Variants in FRAS1 observed in about 807,000 individuals in gnomAD.
The protein encoded by FRAS1 is extracellular matrix organizing protein FRAS1.
FRAS1 carries 290 observed loss-of-function variants against 435.2 expected under a neutral mutation model. That is an observed-to-expected ratio of 0.67 (90% confidence interval 0.61 to 0.73). The LOEUF is 0.73. Ranked by LOEUF, FRAS1 falls within the 30% of genes least tolerant of loss-of-function variation. The pLI is 0.00. For synonymous variants in FRAS1, 1,800 were observed against 1,851.0 expected (o/e 0.97, Z 0.71); for missense variants, 4,860 against 5,001.5 (o/e 0.97, Z 0.85).
chr4:78,260,257 G>A (rs1726019745), intron 6 of FRAS1, among the ~76,000 whole-genome samples: 1 of 151,628 alleles, frequency 6.6e-6, no homozygotes, highest in Admixed American at 6.6e-5. Context: ...TTGGTAGCTT[G>A]ATGGGGATGG....
At chr4:78,128,072 G>A (rs1006612568) in intron 2 of FRAS1, among the ~76,000 whole-genome samples, 4 of 152,208 alleles carry the variant, frequency 2.6e-5, no homozygotes, top group Middle Eastern at 3.4e-3. Context: ...TCCCTACAAA[G>A]GACATGAACT....
intron 51 of FRAS1, 135 bp from the exon 52 acceptor site, chr4:78,472,045 C>A: frequency 1.1e-6 from 1 of 899,214 alleles, no homozygotes; most frequent in Admixed American, 2.3e-5. Context: ...ATAGCCTCTC[C>A]AATCCTGACA....
chr4:78,200,343 G>C (rs1722997869), intron 2 of FRAS1, among the ~76,000 whole-genome samples: 1 of 152,160 alleles, frequency 6.6e-6, no homozygotes, highest in South Asian at 2.1e-4. Flanking sequence ...ATGAGCCTGT[G>C]CCTTAAATTT....
chr4:78,278,691 C>A lies in FRAS1; in HGVS notation c.1018C>A (p.Pro340Thr). The A allele has an allele frequency of 1.9e-6, 3 of 1,607,734 alleles. No homozygotes were observed. The highest frequency in any genetic ancestry group is 2.6e-6 in the Non-Finnish European group (3 of 1,174,772). Residue 340 changes from proline (P) to threonine (T), a missense_variant, in exon 10 of 74, where the codon CCT (proline) becomes ACT (threonine). By Grantham distance (38) the Pro-to-Thr change is conservative. Transcript: ENST00000512123. ...ELIHLDGKCC[P>T]ECISRNGYCV... is the part of the protein sequence containing the mutation. ...AATTCACTTAGATGGAAAGTGTTGT[C>A]CTGAATGCATTTCAAGGAATGGTTA...
Position 78,154,351 on chromosome 4 carries a change from A to G in FRAS1, c.109-83159A>G, listed in dbSNP as rs888425006. ...CCTCTGTGTAGAAAATAGGACATTG[A>G]GGTTTAATGGATTTAAGTAACTTGC... On this transcript the variant is annotated intron_variant, in intron 2 of 73. Coordinates refer to ENST00000512123, the MANE Select transcript of FRAS1 (RefSeq NM_025074.7). 5.3e-5 allele frequency among the ~76,000 whole-genome samples: 8 copies of G among 152,280 alleles called. 1 individual carries two copies. The highest frequency in any genetic ancestry group is 1.9e-4 in the African/African-American group (8 of 41,574).
chr4:78,327,265 A>C (rs984603576), intron 18 of FRAS1, among the ~76,000 whole-genome samples: 1 of 152,074 alleles, frequency 6.6e-6, no homozygotes, highest in African/African-American at 2.4e-5. Context: ...AAAGGAGGGT[A>C]CTCATTTCAA....
intron 49 of FRAS1, 83 bp from the exon 50 acceptor site, chr4:78,466,125 C>G (rs1051805685): frequency 5.4e-6 from 6 of 1,111,312 alleles, no homozygotes; most frequent in African/African-American, 1.5e-5. Context: ...TTCTACTACC[C>G]TTGATCAGCA....
chr4:78,443,324 C>T (rs1333698665), intron 41 of FRAS1, among the ~76,000 whole-genome samples: 1 of 152,176 alleles, frequency 6.6e-6, no homozygotes, highest in Non-Finnish European at 1.5e-5. Context: ...TGCCACTGCA[C>T]TCCAGCCTGG....
At chr4:78,222,252 C>A (rs1007467594) in intron 2 of FRAS1, among the ~76,000 whole-genome samples, 3 of 152,160 alleles carry the variant, frequency 2.0e-5, no homozygotes, top group African/African-American at 7.2e-5. Context: ...CACTGGTCAG[C>A]AAGTTTTCAT....
chr4:78,324,008 ATGC>A (rs1421724403), intron 18 of FRAS1, among the ~76,000 whole-genome samples: 4 of 152,144 alleles, frequency 2.6e-5, no homozygotes, highest in African/African-American at 9.7e-5. Flanking sequence ...GGTGAGGCTG[ATGC>A]TGCTGATCCC....
At chr4:78,508,064 T>C (rs1720898448) in intron 62 of FRAS1, among the ~76,000 whole-genome samples, 4 of 152,222 alleles carry the variant, frequency 2.6e-5, no homozygotes, top group Admixed American at 6.5e-5. Flanking sequence ...TACTACCTCA[T>C]ATCTATCATC....
chr4:78,154,985 T>C (rs1327848363), intron 2 of FRAS1, among the ~76,000 whole-genome samples: 1 of 152,212 alleles, frequency 6.6e-6, no homozygotes, highest in Non-Finnish European at 1.5e-5. Context: ...AATGACTCCA[T>C]GTGACAGTCT....
intron 63 of FRAS1, among the ~76,000 whole-genome samples, chr4:78,510,595 A>G (rs965364991): frequency 3.3e-5 from 5 of 152,182 alleles, no homozygotes; most frequent in African/African-American, 1.2e-4. Flanking sequence ...ATACTTCCCT[A>G]TGTAAATGCA....
At chr4:78,216,737 T>C (rs1339509644) in intron 2 of FRAS1, among the ~76,000 whole-genome samples, 2 of 152,048 alleles carry the variant, frequency 1.3e-5, no homozygotes, top group Non-Finnish European at 2.9e-5. Flanking sequence ...AAAGCCATGA[T>C]AGAGAATAAT....
At chr4:78,451,246 A>G (rs1250816429) in intron 45 of FRAS1, among the ~76,000 whole-genome samples, 1 of 152,096 alleles carries the variant, frequency 6.6e-6, no homozygotes, top group South Asian at 2.1e-4. Flanking sequence ...TTTTTGTTGT[A>G]CTTCTCCTTT....
chr4:78,147,905 G>T (rs948822657), intron 2 of FRAS1, among the ~76,000 whole-genome samples: 1 of 152,142 alleles, frequency 6.6e-6, no homozygotes, highest in African/African-American at 2.4e-5. Flanking sequence ...ATGCTTTCTG[G>T]GTTGTGAGTT....
chr4:78,456,147 T>TTCTTTTTTC, intron 47 of FRAS1, among the ~76,000 whole-genome samples: 1 of 128,546 alleles, frequency 7.8e-6, no homozygotes, highest in African/African-American at 3.0e-5. Flanking sequence ...ACTTTTTTTT[T>TTCTTTTTTC]TTTTTTTTTT....
At position 78,150,737 on chromosome 4, in the gene FRAS1, G is replaced by A. The variant is rs542793498; in HGVS notation, c.108+84721G>A. On this transcript the variant is annotated intron_variant, in intron 2 of 73. Transcript: ENST00000512123. Reference sequence around the variant, plus strand: ...AGCAAGTCTTTATACAAATTCCAAAGCCTGTGAGATTGATTGCTTTTAGTG... The same window carrying A: ...AGCAAGTCTTTATACAAATTCCAAAACCTGTGAGATTGATTGCTTTTAGTG... 1.5e-3 allele frequency among the ~76,000 whole-genome samples: 234 copies of A among 152,296 alleles called. 2 individuals carry two copies. The highest frequency in any genetic ancestry group is 5.2e-3 in the African/African-American group (215 of 41,574).
In FRAS1 at chr4:78,445,675, G is replaced by T. The variant is rs1352472333; in HGVS notation, c.5819G>T (p.Ser1940Ile). The change falls in exon 42 of 74, where the codon AGT becomes ATT. Residue 1940 changes from serine to isoleucine, a missense_variant. By Grantham distance (142) the Ser-to-Ile change is moderately radical (BLOSUM62 -2). Coordinates refer to ENST00000512123, the MANE Select transcript of FRAS1 (RefSeq NM_025074.7). The stretch of plus-strand genomic sequence containing the variant: ...AGTTTTTATGTGAGTGATGGAACCA[G>T]TCGTTCAGAAATTCACAGCATCAAT... ...IFSFYVSDGT[S>I]RSEIHSINIT... 6.2e-7 allele frequency: 1 copy of T among 1,613,788 alleles called. No homozygotes were observed. The highest frequency in any genetic ancestry group is 8.5e-7 in the Non-Finnish European group (1 of 1,179,858).
Sources: allele counts gnomAD v4.1 joint callset (sites outside exome capture counted in the v4.1 genomes callset), GRCh38; gene constraint gnomAD v4.1.1; transcripts MANE v1.5; gene names NCBI Gene and HGNC (gene_info 2026-07-23, HGNC 2026-07-21).